The following DPM1 variants were observed in gnomAD, a reference collection of about 807,000 sequenced individuals.
DPM1 encodes the protein dolichol-phosphate mannosyltransferase subunit 1.
Under a neutral mutation model 39.0 loss-of-function variants are expected in DPM1, and 27 were observed. The observed-to-expected ratio is 0.69, with a 90% CI of 0.51 to 0.95. The LOEUF (loss-of-function observed/expected upper bound fraction) is 0.95. Ranked by LOEUF, DPM1 falls within the 40% of genes least tolerant of loss-of-function variation. The pLI, the probability that DPM1 is intolerant of heterozygous loss-of-function variation, is 0.00. For synonymous variants in DPM1, 124 were observed against 109.0 expected (o/e 1.14, Z -0.86); for missense variants, 307 against 315.6 (o/e 0.97, Z 0.21).
intron 2 of DPM1, among the ~76,000 whole-genome samples, chr20:50,949,111 G>A (rs951913890): frequency 1.1e-4 from 16 of 152,126 alleles, no homozygotes; most frequent in South Asian, 1.0e-3. Context: ...CGCCCGCCTC[G>A]GCCTCCCAAA....
chr20:50,949,396 C>T (rs1181151185), intron 2 of DPM1, among the ~76,000 whole-genome samples: 1 of 152,198 alleles, frequency 6.6e-6, no homozygotes, highest in Non-Finnish European at 1.5e-5. Context: ...CACTCTTCCT[C>T]TATTAACTTA....
intron 5 of DPM1, among the ~76,000 whole-genome samples, chr20:50,945,397 G>A (rs975222153): frequency 6.6e-6 from 1 of 151,998 alleles, no homozygotes; most frequent in Non-Finnish European, 1.5e-5. Flanking sequence ...CTAGAATGGA[G>A]AGGCATGATC....
intron 1 of DPM1, among the ~76,000 whole-genome samples, chr20:50,956,858 G>A (rs1047215310): frequency 2.0e-5 from 3 of 152,210 alleles, no homozygotes; most frequent in East Asian, 3.8e-4. Context: ...CCACCTGAGG[G>A]TGAGGCAGCT....
intron 2 of DPM1, among the ~76,000 whole-genome samples, chr20:50,951,319 C>T (rs1273133197): frequency 2.6e-5 from 4 of 152,120 alleles, no homozygotes; most frequent in East Asian, 3.9e-4. Flanking sequence ...GACAAAAGAT[C>T]GCCAAGACAG....
At position 50,955,207 on chromosome 20, in the gene DPM1, C is replaced by A; in HGVS notation, c.240G>T (p.Lys80Asn). 3 of 1,612,728 alleles carry A rather than the reference C, an allele frequency of 1.9e-6. No homozygotes were observed. The highest frequency in any genetic ancestry group is 2.5e-6 in the Non-Finnish European group (3 of 1,179,454). The change falls in exon 2 of 9, where the codon AAG becomes AAT. Residue 80 changes from lysine (K) to asparagine (N), a missense_variant. By Grantham distance (94) the Lys-to-Asn change is moderately conservative (BLOSUM62 0). Coordinates refer to ENST00000371588, the MANE Select transcript of DPM1 (RefSeq NM_003859.3). ...GTRDVAEQLEKIYGSDRILLR... is the reference protein window; with the variant it reads ...GTRDVAEQLENIYGSDRILLR... ...TTACAATTCTGTCTGACCCATAGAT[C>A]TTCTCCAACTGTTCAGCAACATCCC...
At chr20:50,938,339 G>A (rs531449232) in intron 7 of DPM1, among the ~76,000 whole-genome samples, 4 of 151,672 alleles carry the variant, frequency 2.6e-5, no homozygotes, top group East Asian at 1.9e-4. Flanking sequence ...ATGTATTTAA[G>A]AAACCACCAC....
At chr20:50,937,057 TTTTTA>T in intron 7 of DPM1, among the ~76,000 whole-genome samples, 1 of 152,036 alleles carries the variant, frequency 6.6e-6, no homozygotes, top group African/African-American at 2.4e-5. Context: ...TTTTTTTTTT[TTTTTA>T]AAGATCAGTG....
At chr20:50,956,656 C>T (rs1986836330) in intron 1 of DPM1, among the ~76,000 whole-genome samples, 1 of 152,208 alleles carries the variant, frequency 6.6e-6, no homozygotes. Flanking sequence ...AAGCAAACCC[C>T]TGTGTTATCT....
intron 5 of DPM1, among the ~76,000 whole-genome samples, chr20:50,942,377 G>A (rs546465773): frequency 2.0e-5 from 3 of 152,158 alleles, no homozygotes; most frequent in Non-Finnish European, 4.4e-5. Flanking sequence ...GCGGTGGCGG[G>A]TGCCTGTAAT....
At chr20:50,956,233 C>T (rs1444468906) in intron 1 of DPM1, among the ~76,000 whole-genome samples, 1 of 152,210 alleles carries the variant, frequency 6.6e-6, no homozygotes, top group Non-Finnish European at 1.5e-5. Context: ...AGTCTAAAAA[C>T]AAACCAACAC....
intron 6 of DPM1, chr20:50,941,343 T>TA (rs1985776253): frequency 7.8e-6 from 1 of 127,870 alleles, no homozygotes; most frequent in African/African-American, 5.2e-5. Context: ...TATATTCGTA[T>TA]TATATATATT....
rs760351795 is a variant in DPM1, at chr20:50,955,212, C to T, written c.235G>A (p.Glu79Lys). 6.2e-7 allele frequency: 1 copy of T among 1,613,038 alleles called. No homozygotes were observed. The highest frequency in any genetic ancestry group is 1.1e-5 in the South Asian group (1 of 91,074). Residue 79 changes from glutamate to lysine, a missense_variant, in exon 2 of 9, where the codon GAG becomes AAG. Around this residue, in one of 3 missense-constraint regions of DPM1, gnomAD observed 206 missense variants for 188.2 expected, o/e 1.09. Transcript: ENST00000371588. Reference sequence around the variant, plus strand: ...ATTCTGTCTGACCCATAGATCTTCTCCAACTGTTCAGCAACATCCCTTGTT... The same window carrying T: ...ATTCTGTCTGACCCATAGATCTTCTTCAACTGTTCAGCAACATCCCTTGTT... Reference protein sequence around the residue: ...DGTRDVAEQLEKIYGSDRILL... With the variant: ...DGTRDVAEQLKKIYGSDRILL...
chr20:50,944,010 G>T (rs1203918248), intron 5 of DPM1, among the ~76,000 whole-genome samples: 1 of 152,190 alleles, frequency 6.6e-6, no homozygotes, highest in Non-Finnish European at 1.5e-5. Flanking sequence ...AAAGTGCTGG[G>T]ATTACAGGCG....
At chr20:50,954,535 A>T (rs1986734276) in intron 2 of DPM1, among the ~76,000 whole-genome samples, 1 of 152,360 alleles carries the variant, frequency 6.6e-6, no homozygotes, top group East Asian at 1.9e-4. Context: ...ACATTTGTAA[A>T]TACAAACCGG....
At position 50,948,199 on chromosome 20, in the gene DPM1, C is replaced by T. The variant is rs528909191; in HGVS notation, c.295+430G>A. 1.3e-3 allele frequency among the ~76,000 whole-genome samples: 191 copies of T among 152,274 alleles called. 1 individual carries two copies. Among genetic ancestry groups the T allele is most frequent in the Admixed American group, 3.5e-3 (54 of 15,304 alleles). ...CTCCTACCTCTGACTGGGAATTTCC[C>T]ACAGTTCTAGCTCCTGCCAGGCAGC... On this transcript the variant is annotated intron_variant, in intron 3 of 8. Coordinates refer to ENST00000371588, the MANE Select transcript of DPM1 (RefSeq NM_003859.3).
At chr20:50,949,688 T>G (rs1490838900) in intron 2 of DPM1, among the ~76,000 whole-genome samples, 1 of 152,178 alleles carries the variant, frequency 6.6e-6, no homozygotes, top group East Asian at 1.9e-4. Flanking sequence ...TGTCCCCTTC[T>G]ACACTTGCCA....
At chr20:50,946,066 A>G in intron 3 of DPM1, 143 bp from the exon 4 acceptor site, 1 of 738,508 alleles carries the variant, frequency 1.4e-6, no homozygotes, top group Non-Finnish European at 2.4e-6. Context: ...TTTTCACCTT[A>G]AGTACATAAG....
intron 7 of DPM1, among the ~76,000 whole-genome samples, chr20:50,938,935 C>T (rs142284790): frequency 0.034 from 5,112 of 151,898 alleles, 170 homozygotes; most frequent in African/African-American, 0.079. Context: ...GCCAAGATCG[C>T]GCCATTGCAC....
intron 2 of DPM1, among the ~76,000 whole-genome samples, chr20:50,952,453 T>C (rs1181692965): frequency 6.6e-6 from 1 of 152,234 alleles, no homozygotes; most frequent in Non-Finnish European, 1.5e-5. Flanking sequence ...AGTATCAATT[T>C]ATACTAGGAT....
Sources: allele counts gnomAD v4.1 joint callset (sites outside exome capture counted in the v4.1 genomes callset), GRCh38; gene constraint gnomAD v4.1.1; regional missense constraint gnomAD v4.1.1; transcripts MANE v1.5; gene names NCBI Gene and HGNC (gene_info 2026-07-23, HGNC 2026-07-21).